DGKG: variants seen among roughly 807,000 people sequenced by gnomAD.
The protein encoded by DGKG is diacylglycerol kinase gamma.
A neutral mutation model predicts 105.3 loss-of-function variants in DGKG; 78 were observed. The observed-to-expected ratio is 0.74, with a 90% CI of 0.62 to 0.89. The LOEUF (loss-of-function observed/expected upper bound fraction) is 0.89, where lower values mean the gene tolerates loss of function less well. DGKG is among the 40% of genes least tolerant of loss of function. DGKG has a pLI of 0.00. For missense variants in DGKG, 958 were observed against 1,020.1 expected, an observed-to-expected ratio of 0.94 and a Z score of 0.83; for synonymous variants, 346 against 367.1, an observed-to-expected ratio of 0.94 and a Z score of 0.66.
chr3:186,263,904 C>G (rs1225468223), intron 14 of DGKG, among the ~76,000 whole-genome samples: 2 of 152,210 alleles, frequency 1.3e-5, no homozygotes, highest in Admixed American at 6.5e-5. Flanking sequence ...GTCCAGCAAA[C>G]ACAGTGCCAT....
chr3:186,352,041 C>T (rs1384765338), intron 1 of DGKG, among the ~76,000 whole-genome samples: 1 of 152,218 alleles, frequency 6.6e-6, no homozygotes, highest in Non-Finnish European at 1.5e-5. Context: ...GTAAGCATCT[C>T]TGGGAGTGGG....
At chr3:186,270,657 GAA>G (rs1224909311) in intron 11 of DGKG, among the ~76,000 whole-genome samples, 2 of 152,202 alleles carry the variant, frequency 1.3e-5, no homozygotes, top group Non-Finnish European at 2.9e-5. Flanking sequence ...TTTTGCAGAG[GAA>G]AAAATGAAAG....
intron 21 of DGKG, among the ~76,000 whole-genome samples, chr3:186,197,936 CTTG>C (rs760838820): frequency 1.3e-5 from 2 of 152,152 alleles, no homozygotes; most frequent in Non-Finnish European, 2.9e-5. Flanking sequence ...TTTTCACTGC[CTTG>C]TTTTCTCCTC....
At chr3:186,199,614 G>A (rs546674324) in intron 21 of DGKG, among the ~76,000 whole-genome samples, 12 of 152,230 alleles carry the variant, frequency 7.9e-5, no homozygotes, top group African/African-American at 2.4e-4. Context: ...CTGGGTTCAA[G>A]AGATTCTCCC....
intron 21 of DGKG, among the ~76,000 whole-genome samples, chr3:186,205,077 C>T (rs762971978): frequency 2.0e-5 from 3 of 151,612 alleles, no homozygotes; most frequent in African/African-American, 4.8e-5. Flanking sequence ...GCCAACATGG[C>T]GAAACCCCGT....
At chr3:186,324,971 T>C (rs1382640040) in intron 1 of DGKG, among the ~76,000 whole-genome samples, 1 of 152,230 alleles carries the variant, frequency 6.6e-6, no homozygotes, top group Non-Finnish European at 1.5e-5. Flanking sequence ...TATCCAATGA[T>C]GGACTGGATG....
chr3:186,216,101 C>T (rs922816813), intron 20 of DGKG, among the ~76,000 whole-genome samples: 4 of 151,872 alleles, frequency 2.6e-5, no homozygotes, highest in African/African-American at 4.8e-5. Context: ...CCGGTTCAAG[C>T]GATTCTCATG....
Position 186,149,834 on chromosome 3 carries a change from C to T in DGKG, c.*256G>A, listed in dbSNP as rs1560071587. ...TGTGGAGGTTGCTGCCTAAGCCAGC[C>T]ACAACCTCATGGGCCCTAAGTCCAT... On this transcript the variant is annotated 3_prime_UTR_variant, in exon 25 of 25. Coordinates refer to ENST00000265022, the MANE Select transcript of DGKG (RefSeq NM_001346.3). The T allele has an allele frequency of 8.4e-7, 1 of 1,190,096 alleles. No individual in the cohort carries two copies. 73.7% of individuals were successfully genotyped at this position (1,190,096 alleles called of 1,614,324 possible). A position where few individuals can be genotyped will look rare whatever the true frequency, so the allele number is the denominator to read the frequency against.
At chr3:186,158,649 A>G (rs1156671306) in intron 24 of DGKG, 2 of 931,976 alleles carry the variant, frequency 2.1e-6, no homozygotes, top group Non-Finnish European at 2.6e-6. Context: ...TGAGTTATAG[A>G]GTTATTTCAT....
chr3:186,161,636 C>A lies in DGKG; in HGVS notation c.2244G>T (p.Val748=). 6.2e-7 allele frequency: 1 copy of A among 1,614,202 alleles called. No individual in the cohort carries two copies. The highest frequency in any genetic ancestry group is 1.3e-5 in the African/African-American group (1 of 75,056). The change falls in exon 24 of 25, where the codon GTG becomes GTT. Residue 748 remains valine (V), a synonymous_variant. Coordinates refer to ENST00000265022, the MANE Select transcript of DGKG (RefSeq NM_001346.3). ...IRTNKLLPMQ[V]DGEPWMQPCC... ...ATGGCTGCATCCAGGGTTCTCCATC[C>A]ACTTGCATTGGCAGCAGCTTGTTTG...
chr3:186,172,625 G>A (rs1344442651), intron 22 of DGKG, among the ~76,000 whole-genome samples: 1 of 152,238 alleles, frequency 6.6e-6, no homozygotes, highest in East Asian at 1.9e-4. Context: ...CAATGCTCAT[G>A]TTGAGCTCTT....
chr3:186,193,850 G>A (rs1166279125), intron 21 of DGKG, among the ~76,000 whole-genome samples: 1 of 152,240 alleles, frequency 6.6e-6, no homozygotes, highest in African/African-American at 2.4e-5. Context: ...CGCGCGCACC[G>A]TGGGCCATCC....
intron 6 of DGKG, among the ~76,000 whole-genome samples, chr3:186,287,557 A>G (rs1375428342): frequency 1.3e-5 from 2 of 152,256 alleles, no homozygotes; most frequent in African/African-American, 4.8e-5. Context: ...ATTAATATAA[A>G]AAAATCTGTC....
intron 2 of DGKG, among the ~76,000 whole-genome samples, chr3:186,310,327 T>C (rs1351753759): frequency 6.8e-6 from 1 of 145,986 alleles, no homozygotes; most frequent in South Asian, 2.2e-4. Context: ...GGTTTCTAAC[T>C]AGCTTTCCGT....
At position 186,165,000 on chromosome 3, in the gene DGKG, A is replaced by G; in HGVS notation, c.2114T>C (p.Leu705Pro). 1 of 1,613,774 alleles carries G rather than the reference A, an allele frequency of 6.2e-7. No homozygotes were observed. The highest frequency in any genetic ancestry group is 8.5e-7 in the Non-Finnish European group (1 of 1,179,926). The change falls in exon 23 of 25, where the codon CTT becomes CCT. Residue 705 changes from leucine to proline, a missense_variant. By Grantham distance (98) the Leu-to-Pro change is moderately conservative. Around this residue, in one of 2 missense-constraint regions of DGKG, gnomAD observed 315 missense variants for 400.6 expected, o/e 0.79. Coordinates refer to ENST00000265022, the MANE Select transcript of DGKG (RefSeq NM_001346.3). ...FCVQDLSDQL[L>P]EVVGLEGAME... is the part of the protein sequence containing the mutation. Reference sequence around the variant, plus strand: ...GGCTCCTTCTAGCCCCACCACTTCAAGGAGCTGGTCACTGAGGTCTGCAGA... The same window carrying G: ...GGCTCCTTCTAGCCCCACCACTTCAGGGAGCTGGTCACTGAGGTCTGCAGA...
At chr3:186,248,819 CT>C (rs1225665298) in intron 19 of DGKG, among the ~76,000 whole-genome samples, 1 of 152,200 alleles carries the variant, frequency 6.6e-6, no homozygotes, top group African/African-American at 2.4e-5. Flanking sequence ...CCAGCCTGAA[CT>C]TGTTTCTGTA....
chr3:186,178,679 ACACAGCTGGAGT>A (rs1388848920), intron 22 of DGKG, among the ~76,000 whole-genome samples: 1 of 152,146 alleles, frequency 6.6e-6, no homozygotes, highest in Non-Finnish European at 1.5e-5. Context: ...AGGGGAGGAG[ACACAGCTGGAGT>A]CAGAGTCTTC....
chr3:186,287,464 T>G (rs1019998244), intron 6 of DGKG, among the ~76,000 whole-genome samples: 1 of 152,254 alleles, frequency 6.6e-6, no homozygotes, highest in Non-Finnish European at 1.5e-5. Flanking sequence ...CACTGTACTC[T>G]CTACTTTTAT....
chr3:186,187,209 T>A lies in DGKG; in HGVS notation c.2095+993A>T, dbSNP rs190693355. ...GGTGAGAACAGGCTACCTAGGGCAG[T>A]GAGATAGAAGCAAGGAACCCAGTGA... On this transcript the variant is annotated intron_variant, in intron 22 of 24. Coordinates refer to ENST00000265022, the MANE Select transcript of DGKG (RefSeq NM_001346.3). Among the ~76,000 whole-genome samples the A allele has an allele frequency of 3.9e-4, 60 of 152,208 alleles. No homozygotes were observed. In the Middle Eastern group the frequency reaches 0.014, roughly 35 times the overall value.
Sources: allele counts gnomAD v4.1 joint callset (sites outside exome capture counted in the v4.1 genomes callset), GRCh38; gene constraint gnomAD v4.1.1; regional missense constraint gnomAD v4.1.1; transcripts MANE v1.5; gene names NCBI Gene and HGNC (gene_info 2026-07-23, HGNC 2026-07-21).